The following KAT2B variants were observed in gnomAD, a reference collection of about 807,000 sequenced individuals.
The protein encoded by KAT2B is histone acetyltransferase KAT2B.
A neutral mutation model predicts 105.9 loss-of-function variants in KAT2B; 36 were observed. The ratio of observed to expected loss-of-function variants is 0.34; its 90% confidence interval spans 0.26 to 0.45. The LOEUF is 0.45. Ranked by LOEUF, KAT2B falls within the 20% of genes least tolerant of loss-of-function variation. The pLI, the probability that KAT2B is intolerant of heterozygous loss-of-function variation, is 1.00. For synonymous variants in KAT2B, 397 were observed against 377.9 expected, an observed-to-expected ratio of 1.05 and a Z score of -0.59; for missense variants, 820 against 1,021.6, an observed-to-expected ratio of 0.80 and a Z score of 2.69.
chr3:20,100,331 A>G (rs1698888717), intron 4 of KAT2B, among the ~76,000 whole-genome samples: 1 of 152,208 alleles, frequency 6.6e-6, no homozygotes, highest in Admixed American at 6.5e-5. Context: ...GAGGGGATTT[A>G]GTAGCAATGT....
Position 20,140,323 on chromosome 3 carries a change from C to G in KAT2B, c.1963C>G (p.Pro655Ala). ...GGGATGTGAGCTAAATCCACGGATC[C>G]CGTACACAGAATTTTCTGTCATCAT... ...LMGCELNPRI[P>A]YTEFSVIIKK... Residue 655 changes from proline to alanine, a missense_variant, in exon 13 of 18, where the codon CCG (proline) becomes GCG (alanine). Transcript: ENST00000263754. 6.2e-7 allele frequency: 1 copy of G among 1,613,782 alleles called. No individual in the cohort carries two copies. Among genetic ancestry groups the G allele is most frequent in the African/African-American group, 1.3e-5 (1 of 74,976 alleles).
At chr3:20,113,875 G>T (rs1036510680) in intron 6 of KAT2B, among the ~76,000 whole-genome samples, 1 of 151,902 alleles carries the variant, frequency 6.6e-6, no homozygotes, top group Admixed American at 6.6e-5. Flanking sequence ...AAGTGTTTTT[G>T]TTTTTGTTTT....
At position 20,062,467 on chromosome 3, in the gene KAT2B, T is replaced by C. The variant is rs577102128; in HGVS notation, c.304-9866T>C. ...TAGAAATTATATATATTTTATTTTATATATATATATATTAGAGGTAGTTTT... is the reference window on the plus strand; with the variant it reads ...TAGAAATTATATATATTTTATTTTACATATATATATATTAGAGGTAGTTTT... On this transcript the variant is annotated intron_variant, in intron 1 of 17. Coordinates refer to ENST00000263754, the MANE Select transcript of KAT2B (RefSeq NM_003884.5). Among the ~76,000 whole-genome samples the C allele has an allele frequency of 2.9e-3, 382 of 129,606 alleles. 2 individuals are homozygous for C. The highest frequency in any genetic ancestry group is 5.4e-3 in the Admixed American group (57 of 10,498). The allele number at this position is 129,606 out of a possible 152,430, so 85.0% of individuals were successfully genotyped here. A position where few individuals can be genotyped will look rare whatever the true frequency, so the allele number is the denominator to read the frequency against.
chr3:20,043,836 A>T (rs1367441799), intron 1 of KAT2B, among the ~76,000 whole-genome samples: 2 of 152,206 alleles, frequency 1.3e-5, no homozygotes, highest in East Asian at 3.9e-4. Context: ...GAGCAAGCCC[A>T]AAAGGACAGA....
intron 5 of KAT2B, among the ~76,000 whole-genome samples, chr3:20,108,527 A>G (rs1266361469): frequency 6.6e-6 from 1 of 152,230 alleles, no homozygotes; most frequent in East Asian, 1.9e-4. Flanking sequence ...GATTATGCCA[A>G]AATTTTGCTG....
Position 20,104,492 on chromosome 3 carries a change from C to A in KAT2B, c.851+3024C>A, listed in dbSNP as rs1490918118. Reference sequence around the variant, plus strand: ...ATGACCACATGGGGAATTAAAAAAACCACATACCACCACAGCATGATGTCT... The same window carrying A: ...ATGACCACATGGGGAATTAAAAAAAACACATACCACCACAGCATGATGTCT... On this transcript the variant is annotated intron_variant, in intron 5 of 17. Coordinates refer to ENST00000263754, the MANE Select transcript of KAT2B (RefSeq NM_003884.5). 2.6e-5 allele frequency among the ~76,000 whole-genome samples: 4 copies of A among 152,214 alleles called. No homozygotes were observed. The South Asian group carries it at 8.3e-4, about 32-fold the overall frequency.
At chr3:20,058,167 A>C (rs1698033137) in intron 1 of KAT2B, among the ~76,000 whole-genome samples, 1 of 152,098 alleles carries the variant, frequency 6.6e-6, no homozygotes, top group Non-Finnish European at 1.5e-5. Flanking sequence ...CTCATAAATT[A>C]AGGTATTCAG....
At chr3:20,146,805 G>GCTT (rs1699790431) in intron 14 of KAT2B, among the ~76,000 whole-genome samples, 1 of 152,208 alleles carries the variant, frequency 6.6e-6, no homozygotes, top group Non-Finnish European at 1.5e-5. Context: ...CACATAGCCA[G>GCTT]TAACGGTCAG....
chr3:20,106,431 C>A (rs1186229874), intron 5 of KAT2B, among the ~76,000 whole-genome samples: 1 of 138,928 alleles, frequency 7.2e-6, no homozygotes, highest in African/African-American at 2.8e-5. Flanking sequence ...TAAAACAACA[C>A]CAGAAGTACA....
intron 2 of KAT2B, among the ~76,000 whole-genome samples, chr3:20,094,588 G>A (rs986019812): frequency 1.3e-5 from 2 of 152,184 alleles, no homozygotes; most frequent in African/African-American, 4.8e-5. Context: ...TGAGGAGAGA[G>A]TCAATGGACA....
At position 20,095,596 on chromosome 3, in the gene KAT2B, T is replaced by C. The variant is rs566334782; in HGVS notation, c.576+188T>C. ...ACCATAGTTTGAACACATCATTCTC[T>C]TTGAGGCTTTTACACTTGTATGCAA... On this transcript the variant is annotated intron_variant, in intron 3 of 17. Coordinates refer to ENST00000263754, the MANE Select transcript of KAT2B (RefSeq NM_003884.5). Among the ~76,000 whole-genome samples, 39 of 152,328 alleles carry C rather than the reference T, an allele frequency of 2.6e-4. 1 individual carries two copies. The South Asian group carries it at 7.9e-3, about 31-fold the overall frequency.
chr3:20,149,457 C>T (rs1043860302), intron 17 of KAT2B, among the ~76,000 whole-genome samples: 1 of 127,540 alleles, frequency 7.8e-6, no homozygotes, highest in African/African-American at 3.1e-5. Context: ...GATTGCACCA[C>T]TGCACTTCAG....
intron 1 of KAT2B, among the ~76,000 whole-genome samples, chr3:20,042,608 C>A (rs1295142887): frequency 6.6e-6 from 1 of 152,184 alleles, no homozygotes; most frequent in Non-Finnish European, 1.5e-5. Context: ...TGGGCTCATG[C>A]AGGAACTGTC....
chr3:20,148,372 A>G, intron 16 of KAT2B, 31 bp from the exon 17 acceptor site: 1 of 1,608,802 alleles, frequency 6.2e-7, no homozygotes, highest in Non-Finnish European at 8.5e-7. Context: ...GAATTTCCAT[A>G]TTAGATACCT....
chr3:20,106,438 TACACACACAC>T (rs10554524), intron 5 of KAT2B, among the ~76,000 whole-genome samples: 2 of 145,612 alleles, frequency 1.4e-5, no homozygotes, highest in African/African-American at 2.5e-5. Flanking sequence ...ACACCAGAAG[TACACACACAC>T]ACACACACAC....
chr3:20,053,272 C>G lies in KAT2B; in HGVS notation c.303+12492C>G, dbSNP rs1697946451. 5.9e-5 allele frequency among the ~76,000 whole-genome samples: 9 copies of G among 152,078 alleles called. No homozygotes were observed. In the South Asian group the frequency reaches 1.9e-3, roughly 31 times the overall value. ...AGGAATGTGGCTCACGCCTGTAATC[C>G]CAGGTGTGGGATCCTACTTTTGGGT... is the stretch of plus-strand genomic sequence containing the variant. On this transcript the variant is annotated intron_variant, in intron 1 of 17. Coordinates refer to ENST00000263754, the MANE Select transcript of KAT2B (RefSeq NM_003884.5).
chr3:20,048,275 A>C (rs1335134726), intron 1 of KAT2B, among the ~76,000 whole-genome samples: 1 of 152,240 alleles, frequency 6.6e-6, no homozygotes, highest in Non-Finnish European at 1.5e-5. Context: ...TGGAAATTCA[A>C]GCCTGCAAAG....
chr3:20,154,025 A>G lies in KAT2B; in HGVS notation c.*1500A>G, dbSNP rs1469499403. On this transcript the variant is annotated 3_prime_UTR_variant, in exon 18 of 18. Coordinates refer to ENST00000263754, the MANE Select transcript of KAT2B (RefSeq NM_003884.5). ...ACTTTTTAAAGTGTAAGAAACCACC[A>G]TGAGTGGTGTCTAGATTTCTAATGA... 1 of 152,604 alleles carries G rather than the reference A, an allele frequency of 6.6e-6. No individual in the cohort carries two copies. The highest frequency in any genetic ancestry group is 1.5e-5 in the Non-Finnish European group (1 of 68,024). The allele number at this position is 152,604 out of a possible 1,614,324, so 9.5% of individuals were successfully genotyped here.
At chr3:20,063,723 A>G (rs1698178651) in intron 1 of KAT2B, among the ~76,000 whole-genome samples, 2 of 150,620 alleles carry the variant, frequency 1.3e-5, no homozygotes, top group Admixed American at 1.3e-4. Flanking sequence ...TTGTATTTTT[A>G]GTAGTGACAG....
Sources: allele counts gnomAD v4.1 joint callset (sites outside exome capture counted in the v4.1 genomes callset), GRCh38; gene constraint gnomAD v4.1.1; transcripts MANE v1.5; gene names NCBI Gene and HGNC (gene_info 2026-07-23, HGNC 2026-07-21).